SLC16A7: variants seen among roughly 807,000 people sequenced by gnomAD.
The protein encoded by SLC16A7 is monocarboxylate transporter 2.
In SLC16A7, 33 loss-of-function variants were observed where a neutral mutation model predicts 34.9. The observed-to-expected ratio is 0.94, with a 90% CI of 0.72 to 1.26. SLC16A7 has a LOEUF of 1.26. Among genes scored for constraint, SLC16A7 ranks in the 50% most tolerant of loss-of-function variants. The pLI, the probability that SLC16A7 is intolerant of heterozygous loss-of-function variation, is 0.00. For synonymous variants in SLC16A7, 201 were observed against 206.6 expected (o/e 0.97, Z 0.23); for missense variants, 573 against 578.1 (o/e 0.99, Z 0.09).
chr12:59,630,239 C>T (rs1395859588), intron 1 of SLC16A7, among the ~76,000 whole-genome samples: 1 of 151,844 alleles, frequency 6.6e-6, no homozygotes, highest in Non-Finnish European at 1.5e-5. Flanking sequence ...ATTATTACAG[C>T]TTAACATTAA....
intron 2 of SLC16A7, among the ~76,000 whole-genome samples, chr12:59,700,113 G>A (rs1262010866): frequency 1.3e-5 from 2 of 151,772 alleles, no homozygotes; most frequent in Non-Finnish European, 3.0e-5. Context: ...TAAGTTCAAT[G>A]TCAGTGAATC....
chr12:59,723,242 G>T (rs943251936), intron 3 of SLC16A7, among the ~76,000 whole-genome samples: 2 of 151,816 alleles, frequency 1.3e-5, no homozygotes, highest in Non-Finnish European at 2.9e-5. Context: ...CCTAGTTCTT[G>T]CCCTGCCACT....
intron 3 of SLC16A7, among the ~76,000 whole-genome samples, chr12:59,729,330 T>A (rs1012488104): frequency 6.6e-6 from 1 of 152,232 alleles, no homozygotes; most frequent in Non-Finnish European, 1.5e-5. Flanking sequence ...TCTTTGCCTT[T>A]CCTATCATCT....
chr12:59,679,485 T>C (rs756881103), intron 2 of SLC16A7, among the ~76,000 whole-genome samples: 3 of 152,220 alleles, frequency 2.0e-5, no homozygotes, highest in Non-Finnish European at 4.4e-5. Flanking sequence ...TTCAAGGCAG[T>C]TCAAACAGTT....
chr12:59,697,184 A>G (rs1872396633), intron 2 of SLC16A7, among the ~76,000 whole-genome samples: 1 of 151,972 alleles, frequency 6.6e-6, no homozygotes, highest in South Asian at 2.1e-4. Context: ...TTAATAGGGA[A>G]TATAAATCAG....
chr12:59,643,543 G>A lies in SLC16A7; in HGVS notation c.-129-11609G>A, dbSNP rs1160444423. ...ACTGGCATTAGAAATATAAACAACT[G>A]TATAATGACAATTTTTGATAAATGC... On this transcript the variant is annotated intron_variant, in intron 1 of 5. Transcript: ENST00000547379. Among the ~76,000 whole-genome samples, 4 of 152,252 alleles carry A rather than the reference G, an allele frequency of 2.6e-5. No homozygotes were observed. In the East Asian group the frequency reaches 7.7e-4, roughly 29 times the overall value.
chr12:59,760,951 T>C (rs1880950424), intron 3 of SLC16A7, among the ~76,000 whole-genome samples: 1 of 152,152 alleles, frequency 6.6e-6, no homozygotes, highest in African/African-American at 2.4e-5. Context: ...AATCGTTTCA[T>C]TGTTGTTAGT....
intron 2 of SLC16A7, among the ~76,000 whole-genome samples, chr12:59,666,294 G>C (rs948153323): frequency 6.6e-6 from 1 of 152,122 alleles, no homozygotes; most frequent in Non-Finnish European, 1.5e-5. Context: ...ATAAGGGCTG[G>C]CAGTTAAGGT....
At chr12:59,647,249 C>A (rs1868263831) in intron 1 of SLC16A7, among the ~76,000 whole-genome samples, 1 of 152,094 alleles carries the variant, frequency 6.6e-6, no homozygotes, top group Non-Finnish European at 1.5e-5. Context: ...CCCATAATCC[C>A]CATGTATCAT....
intron 1 of SLC16A7, among the ~76,000 whole-genome samples, chr12:59,640,479 G>C (rs1458984291): frequency 1.3e-5 from 2 of 151,662 alleles, no homozygotes; most frequent in Non-Finnish European, 2.9e-5. Flanking sequence ...CATTAGGATT[G>C]TTATTTTTGC....
At chr12:59,663,238 T>G (rs1336127168) in intron 2 of SLC16A7, among the ~76,000 whole-genome samples, 3 of 151,978 alleles carry the variant, frequency 2.0e-5, no homozygotes, top group African/African-American at 7.2e-5. Context: ...GTAATAATAC[T>G]AACTAAATTA....
chr12:59,684,252 A>G (rs764100432), intron 2 of SLC16A7, among the ~76,000 whole-genome samples: 2 of 152,230 alleles, frequency 1.3e-5, no homozygotes, highest in Non-Finnish European at 2.9e-5. Context: ...TGATAAAAAT[A>G]AAGTGTGAAA....
intron 5 of SLC16A7, 131 bp from the exon 6 acceptor site, chr12:59,779,292 T>TTTA: frequency 1.5e-6 from 1 of 682,670 alleles, no homozygotes; most frequent in Non-Finnish European, 2.3e-6. Context: ...TCTAGATTTT[T>TTTA]TTATTTTTAA....
chr12:59,637,111 A>G (rs1880464231), intron 1 of SLC16A7, among the ~76,000 whole-genome samples: 1 of 152,102 alleles, frequency 6.6e-6, no homozygotes, highest in Admixed American at 6.6e-5. Context: ...TAGTAGAAAG[A>G]TTATCTTTGC....
intron 2 of SLC16A7, among the ~76,000 whole-genome samples, chr12:59,675,159 A>T (rs1870205900): frequency 6.6e-6 from 1 of 152,230 alleles, no homozygotes; most frequent in South Asian, 2.1e-4. Context: ...ACAGGCTCAA[A>T]TGCACAAATG....
chr12:59,735,715 A>G (rs1877512388), intron 3 of SLC16A7, among the ~76,000 whole-genome samples: 2 of 152,188 alleles, frequency 1.3e-5, no homozygotes, highest in African/African-American at 2.4e-5. Flanking sequence ...CTGCTTTTGC[A>G]TTATATTAAA....
At chr12:59,635,434 T>C (rs1018807028) in intron 1 of SLC16A7, among the ~76,000 whole-genome samples, 1 of 152,086 alleles carries the variant, frequency 6.6e-6, no homozygotes, top group Non-Finnish European at 1.5e-5. Flanking sequence ...ACATTACAAA[T>C]CATGCAATGC....
intron 2 of SLC16A7, among the ~76,000 whole-genome samples, chr12:59,669,077 T>G (rs1565638762): frequency 6.6e-6 from 1 of 152,136 alleles, no homozygotes; most frequent in Non-Finnish European, 1.5e-5. Context: ...TTATGTGAAG[T>G]GTGAGAACGG....
At chr12:59,710,271 A>T (rs937437654) in intron 3 of SLC16A7, among the ~76,000 whole-genome samples, 1 of 152,184 alleles carries the variant, frequency 6.6e-6, no homozygotes, top group Non-Finnish European at 1.5e-5. Flanking sequence ...TGTTCAGAGC[A>T]TGTTCATTTT....
Sources: gnomAD v4.1 joint callset for allele counts (sites outside exome capture counted in the v4.1 genomes callset) on GRCh38, gnomAD v4.1.1 for gene constraint, MANE v1.5 for transcripts, NCBI Gene and HGNC (gene_info 2026-07-23, HGNC 2026-07-21) for gene names.